The following ABR variants were observed in gnomAD, a reference collection of about 807,000 sequenced individuals.
ABR encodes the protein active breakpoint cluster region-related protein.
Under a neutral mutation model 107.2 loss-of-function variants are expected in ABR, and 35 were observed. That is an observed-to-expected ratio of 0.33 (90% CI 0.25 to 0.43). ABR has a LOEUF of 0.43. Ranked by LOEUF, ABR falls within the 20% of genes least tolerant of loss-of-function variation. The pLI is 1.00. For synonymous variants in ABR, 498 were observed against 462.0 expected (o/e 1.08, Z -1.00); for missense variants, 815 against 1,115.2 (o/e 0.73, Z 3.83).
chr17:1,167,852 C>T (rs2041571728), intron 1 of ABR, among the ~76,000 whole-genome samples: 1 of 152,180 alleles, frequency 6.6e-6, no homozygotes, highest in South Asian at 2.1e-4. Context: ...CAGGTAAACA[C>T]TATAAAACAA....
intron 21 of ABR, among the ~76,000 whole-genome samples, 171 bp from the exon 22 acceptor site, chr17:1,007,483 G>C (rs1452176008): frequency 1.3e-5 from 2 of 152,194 alleles, no homozygotes; most frequent in Non-Finnish European, 2.9e-5. Context: ...TCATCCAGGA[G>C]AGCAGGGCCC....
At chr17:1,103,966 CT>C (rs2038080223) in intron 2 of ABR, among the ~76,000 whole-genome samples, 1 of 152,170 alleles carries the variant, frequency 6.6e-6, no homozygotes, top group African/African-American at 2.4e-5. Flanking sequence ...CAGGGCGTCT[CT>C]TGTCTCATCA....
chr17:1,058,053 G>T lies in ABR; in HGVS notation c.1306-8C>A. On this transcript the variant is annotated splice_region_variant and splice_polypyrimidine_tract_variant and intron_variant, in intron 11 of 22. Transcript: ENST00000302538. Reference sequence around the variant, plus strand: ...CAGTAGGAACAGGTAACTCTGAAGAGAGGAGATAAGCATAAAGTGGGTGAC... The same window carrying T: ...CAGTAGGAACAGGTAACTCTGAAGATAGGAGATAAGCATAAAGTGGGTGAC... The T allele has an allele frequency of 6.2e-7, 1 of 1,606,600 alleles. No homozygotes were observed. Among genetic ancestry groups the T allele is most frequent in the Non-Finnish European group, 8.5e-7 (1 of 1,175,028 alleles).
chr17:1,146,119 T>TG (rs2040512452), intron 1 of ABR, among the ~76,000 whole-genome samples: 1 of 152,200 alleles, frequency 6.6e-6, no homozygotes, highest in South Asian at 2.1e-4. Flanking sequence ...TAAGAGGACG[T>TG]GCCCAGGTTA....
chr17:1,228,354 G>C (rs1282313516), intron 1 of ABR: 2 of 152,678 alleles, frequency 1.3e-5, no homozygotes, highest in Non-Finnish European at 2.9e-5. Flanking sequence ...GCCTTCCGCG[G>C]TTAGGAAAGC....
In ABR at chr17:1,016,586, G is replaced by T. The variant is rs368798260; in HGVS notation, c.1792-3422C>A. Among the ~76,000 whole-genome samples the T allele has an allele frequency of 1.8e-3, 275 of 152,090 alleles. 4 individuals are homozygous for T. Among genetic ancestry groups the T allele is most frequent in the African/African-American group, 5.9e-3 (246 of 41,378 alleles). On this transcript the variant is annotated intron_variant, in intron 16 of 22. Transcript: ENST00000302538. ...CTGCCTCGGCCTCCCAAAGTGCTGG[G>T]ATTACAGGTGTGACCCACCATGCCT...
chr17:1,035,824 CG>C (rs2073145291), intron 16 of ABR, among the ~76,000 whole-genome samples: 1 of 150,134 alleles, frequency 6.7e-6, no homozygotes, highest in African/African-American at 2.5e-5. Context: ...GGGCTGTCCC[CG>C]GGGAGACGTG....
intron 1 of ABR, among the ~76,000 whole-genome samples, chr17:1,198,439 G>T (rs1011654107): frequency 6.6e-6 from 1 of 151,450 alleles, no homozygotes; most frequent in African/African-American, 2.4e-5. Flanking sequence ...GCCTGATTCT[G>T]CAATCAAAGC....
intron 1 of ABR, among the ~76,000 whole-genome samples, chr17:1,160,591 AG>A (rs1452005940): frequency 1.3e-5 from 2 of 152,252 alleles, no homozygotes; most frequent in Non-Finnish European, 2.9e-5. Flanking sequence ...TCCAGGTGCC[AG>A]GGGTACGACG....
At chr17:1,046,284 G>A (rs1226176404) in intron 16 of ABR, among the ~76,000 whole-genome samples, 3 of 132,818 alleles carry the variant, frequency 2.3e-5, no homozygotes, top group African/African-American at 7.5e-5. Flanking sequence ...GATTACAGGC[G>A]TGGGCCCCAC....
intron 2 of ABR, among the ~76,000 whole-genome samples, chr17:1,124,238 G>C (rs557139539): frequency 3.3e-5 from 5 of 152,110 alleles, no homozygotes; most frequent in East Asian, 1.9e-4. Flanking sequence ...CAGCTGGGGT[G>C]GGGGGGCACT....
At position 1,072,693 on chromosome 17, in the gene ABR, C is replaced by T. The variant is rs779655290; in HGVS notation, c.815G>A (p.Arg272His). The T allele has an allele frequency of 8.1e-6, 13 of 1,613,336 alleles. No homozygotes were observed. The highest frequency in any genetic ancestry group is 4.5e-5 in the East Asian group (2 of 44,850). Reference sequence around the variant, plus strand: ...GCTGGACAGGAAGTTCTGGGAGATGCGGAGGGCATCCTGCAGCAGCGGGTA... The same window carrying T: ...GCTGGACAGGAAGTTCTGGGAGATGTGGAGGGCATCCTGCAGCAGCGGGTA... ...PDYPLLQDALRISQNFLSSIN... is the reference protein window; with the variant it reads ...PDYPLLQDALHISQNFLSSIN... The change falls in exon 8 of 23, where the codon CGC becomes CAC. Residue 272 changes from arginine to histidine, a missense_variant. By Grantham distance (29) the Arg-to-His change is conservative (BLOSUM62 0). Transcript: ENST00000302538.
rs2262150 is a variant in ABR at position 1,067,173 on chromosome 17, C to T, written c.1086G>A (p.Glu362=). The T allele has an allele frequency of 0.9, 1,450,854 of 1,613,412 alleles. 653,555 individuals carry two copies. Among genetic ancestry groups the T allele is most frequent in the East Asian group, 0.97 (43,628 of 44,828 alleles). ...GGTGCACCTGGGGGCTGGCCTCAGACTCCTCGGGGGATGGAAACACCAGGT... is the reference window on the plus strand; with the variant it reads ...GGTGCACCTGGGGGCTGGCCTCAGATTCCTCGGGGGATGGAAACACCAGGT... ...LADLVFPSPE[E]SEASPQVHPF... is the part of the protein sequence containing the mutation. Residue 362 remains glutamate (E), a synonymous_variant, in exon 10 of 23, where the codon GAG becomes GAA. Coordinates refer to ENST00000302538, the MANE Select transcript of ABR (RefSeq NM_021962.5).
At chr17:1,031,000 C>T (rs756713929) in intron 16 of ABR, among the ~76,000 whole-genome samples, 1 of 152,218 alleles carries the variant, frequency 6.6e-6, no homozygotes, top group Non-Finnish European at 1.5e-5. Flanking sequence ...ATTTTAATCC[C>T]AACTCAGGTC....
At chr17:1,110,964 G>A (rs567552375) in intron 2 of ABR, among the ~76,000 whole-genome samples, 25 of 152,308 alleles carry the variant, frequency 1.6e-4, no homozygotes, top group African/African-American at 5.8e-4. Context: ...AGGCTGTGGC[G>A]AGGGCTTGGG....
At chr17:1,160,518 C>G (rs2041246923) in intron 1 of ABR, among the ~76,000 whole-genome samples, 1 of 152,230 alleles carries the variant, frequency 6.6e-6, no homozygotes, top group Non-Finnish European at 1.5e-5. Context: ...CAGTGAATGT[C>G]CGTTCATTCA....
chr17:1,045,920 G>A (rs923702812), intron 16 of ABR, among the ~76,000 whole-genome samples: 2 of 152,102 alleles, frequency 1.3e-5, no homozygotes, highest in African/African-American at 4.8e-5. Context: ...GTCCAGGCTG[G>A]AGTGCAATGG....
chr17:1,141,403 T>C (rs1452246629), intron 1 of ABR, among the ~76,000 whole-genome samples: 2 of 152,188 alleles, frequency 1.3e-5, no homozygotes, highest in South Asian at 2.1e-4. Context: ...AATGTGACCT[T>C]AGCCATGTGA....
At chr17:1,159,442 C>T (rs78046652) in intron 1 of ABR, among the ~76,000 whole-genome samples, 11 of 31,514 alleles carry the variant, frequency 3.5e-4, no homozygotes, top group African/African-American at 1.3e-3. Context: ...GGTAAGAATG[C>T]GGTACTCACA....
Sources: gnomAD v4.1 joint callset for allele counts (sites outside exome capture counted in the v4.1 genomes callset) on GRCh38, gnomAD v4.1.1 for gene constraint, MANE v1.5 for transcripts, NCBI Gene and HGNC (gene_info 2026-07-23, HGNC 2026-07-21) for gene names.